Variants in FGFR2 observed in about 807,000 individuals in gnomAD.
FGFR2 encodes fibroblast growth factor receptor 2.
Under a neutral mutation model 95.9 loss-of-function variants are expected in FGFR2, and 19 were observed. The ratio of observed to expected loss-of-function variants is 0.20; its 90% CI spans 0.14 to 0.29. The LOEUF is 0.29. FGFR2 is among the 10% of genes least tolerant of loss of function. FGFR2 has a pLI of 1.00. For missense variants in FGFR2, 707 were observed against 1,056.9 expected (o/e 0.67, Z 4.59); for synonymous variants, 392 against 393.3 (o/e 1.00, Z 0.04).
chr10:121,492,808 C>A (rs963530886), intron 13 of FGFR2, among the ~76,000 whole-genome samples: 4 of 152,208 alleles, frequency 2.6e-5, no homozygotes, highest in African/African-American at 9.7e-5. Context: ...GTCTTAAAGG[C>A]CCATACAATA....
In FGFR2 at chr10:121,517,901, A is replaced by T. The variant is rs1292308078; in HGVS notation, c.940-438T>A. ...GACAACACACTGCACATAAGCCCAGATGGACACCTCACCCATCCTCCTGGC... is the reference window on the plus strand; with the variant it reads ...GACAACACACTGCACATAAGCCCAGTTGGACACCTCACCCATCCTCCTGGC... On this transcript the variant is annotated intron_variant, in intron 7 of 17. Transcript: ENST00000358487. This position sits in a 1 kb window ranked among gnomAD's most constrained non-coding sequence, Gnocchi z 4.7. 1 of 357,734 alleles carries T rather than the reference A, an allele frequency of 2.8e-6. No individual in the cohort carries two copies. Among genetic ancestry groups the T allele is most frequent in the African/African-American group, 2.1e-5 (1 of 46,886 alleles). 22.2% of individuals were successfully genotyped at this position (357,734 alleles called of 1,614,324 possible).
At chr10:121,544,985 A>C (rs1223176874) in intron 5 of FGFR2, among the ~76,000 whole-genome samples, 2 of 152,184 alleles carry the variant, frequency 1.3e-5, no homozygotes, top group Non-Finnish European at 2.9e-5. Flanking sequence ...TCTACAAAAA[A>C]TTTAAAAATT....
At chr10:121,596,389 C>A in intron 1 of FGFR2, 1 of 198,230 alleles carries the variant, frequency 5.0e-6, no homozygotes, top group East Asian at 7.8e-5. Context: ...CCCCGCCCTC[C>A]AAGAAGGCAG....
intron 4 of FGFR2, among the ~76,000 whole-genome samples, chr10:121,558,873 C>T (rs922596148): frequency 2.0e-5 from 3 of 152,040 alleles, no homozygotes; most frequent in Non-Finnish European, 4.4e-5. Context: ...ATCCATGAGC[C>T]ACCGCGCCCG....
chr10:121,480,257 G>T, intron 17 of FGFR2: 1 of 607,766 alleles, frequency 1.6e-6, no homozygotes, highest in South Asian at 1.8e-5. Context: ...CTGAGACCAC[G>T]TCTGATGTAC....
intron 9 of FGFR2, among the ~76,000 whole-genome samples, chr10:121,504,606 CTCTTGT>C (rs1848039239): frequency 6.6e-6 from 1 of 152,126 alleles, no homozygotes. Context: ...AATGGGCTGC[CTCTTGT>C]CTTCGGTTTC....
At chr10:121,596,244 C>A (rs1026944412) in intron 1 of FGFR2, among the ~76,000 whole-genome samples, 1 of 152,212 alleles carries the variant, frequency 6.6e-6, no homozygotes, top group Non-Finnish European at 1.5e-5. Flanking sequence ...CGCCCGCCCC[C>A]CGGTCCATTT....
At chr10:121,576,244 G>A (rs1034077721) in intron 2 of FGFR2, among the ~76,000 whole-genome samples, 5 of 152,168 alleles carry the variant, frequency 3.3e-5, no homozygotes, top group African/African-American at 9.7e-5. Context: ...TTCCCAAAGC[G>A]ACAGGCCATT....
chr10:121,550,168 C>T (rs1018462886), intron 5 of FGFR2, among the ~76,000 whole-genome samples: 1 of 152,192 alleles, frequency 6.6e-6, no homozygotes, highest in Non-Finnish European at 1.5e-5. Flanking sequence ...CTCCTTTCTC[C>T]TTATTCTTCC....
At chr10:121,580,762 G>A (rs1000626692) in intron 2 of FGFR2, among the ~76,000 whole-genome samples, 1 of 152,158 alleles carries the variant, frequency 6.6e-6, no homozygotes, top group African/African-American at 2.4e-5. Context: ...AAGAGCCGGC[G>A]CCATCACAGT....
At chr10:121,498,404 T>C (rs1255266385) in intron 12 of FGFR2, 91 bp downstream of exon 12, 1 of 854,320 alleles carries the variant, frequency 1.2e-6, no homozygotes, top group Non-Finnish European at 2.0e-6. Flanking sequence ...CAGGGTGCTC[T>C]GGGAGCAGGA....
chr10:121,546,470 G>A (rs1402541548), intron 5 of FGFR2, among the ~76,000 whole-genome samples: 1 of 152,200 alleles, frequency 6.6e-6, no homozygotes, highest in Non-Finnish European at 1.5e-5. Context: ...CATCCAGCAA[G>A]ACTTTGCTCA....
chr10:121,572,317 T>C (rs1858931877), intron 2 of FGFR2, among the ~76,000 whole-genome samples: 1 of 151,892 alleles, frequency 6.6e-6, no homozygotes, highest in Non-Finnish European at 1.5e-5. Context: ...GACGAGAACC[T>C]GTCTCCAAAA....
chr10:121,534,554 C>A (rs1852555427), intron 6 of FGFR2, among the ~76,000 whole-genome samples: 1 of 151,884 alleles, frequency 6.6e-6, no homozygotes, highest in East Asian at 1.9e-4. Flanking sequence ...CACCACCACA[C>A]CCGGCTAATT....
At position 121,565,461 on chromosome 10, in the gene FGFR2, C is replaced by T. The variant is rs139263005; in HGVS notation, c.353G>A (p.Trp118Ter). The change falls in exon 3 of 18, where the codon TGG becomes TAG. Residue 118 changes from tryptophan to a stop codon, truncating the protein, a stop_gained. Coordinates refer to ENST00000358487, the MANE Select transcript of FGFR2 (RefSeq NM_000141.5). LOFTEE classifies it high-confidence loss of function. ...TASRTVDSET[W>*]YFMVNVTDAI... is the part of the protein sequence containing the mutation. The stretch of plus-strand genomic sequence containing the variant: ...ACCTGTGACATTCACCATGAAGTAC[C>T]AAGTTTCACTGTCTACAGTCCTACT... 1.2e-6 allele frequency: 2 copies of T among 1,614,184 alleles called. No individual in the cohort carries two copies.
chr10:121,520,341 A>G (rs1850357405), intron 6 of FGFR2, among the ~76,000 whole-genome samples, 172 bp from the exon 7 acceptor site: 1 of 152,210 alleles, frequency 6.6e-6, no homozygotes, highest in Non-Finnish European at 1.5e-5. Flanking sequence ...AACGACTTCA[A>G]AGGAGACTGC....
At chr10:121,557,586 G>A (rs1357867430) in intron 4 of FGFR2, among the ~76,000 whole-genome samples, 1 of 152,118 alleles carries the variant, frequency 6.6e-6, no homozygotes, top group East Asian at 1.9e-4. Flanking sequence ...GGAATTACAG[G>A]TGCGAGCTGC....
At position 121,498,616 on chromosome 10, in the gene FGFR2, T is replaced by C. The variant is rs41293744; in HGVS notation, c.1562-11A>G. On this transcript the variant is annotated splice_polypyrimidine_tract_variant and intron_variant, in intron 11 of 17. Transcript: ENST00000358487. The stretch of plus-strand genomic sequence containing the variant: ...TCTCTGTGGCATCATCTATGAACAG[T>C]AGGCATATTCACAAATCAGTTCATT... 1.5e-5 allele frequency: 24 copies of C among 1,611,060 alleles called. No homozygotes were observed. The highest frequency in any genetic ancestry group is 4.0e-5 in the African/African-American group (3 of 74,982).
chr10:121,560,683 A>G (rs1425310236), intron 4 of FGFR2, among the ~76,000 whole-genome samples: 1 of 151,730 alleles, frequency 6.6e-6, no homozygotes, highest in Non-Finnish European at 1.5e-5. Context: ...TTTTTATTAA[A>G]TAACAATAAT....
Sources: allele counts gnomAD v4.1 joint callset (sites outside exome capture counted in the v4.1 genomes callset), GRCh38; gene constraint gnomAD v4.1.1; non-coding constraint Gnocchi (gnomAD v3.1); transcripts MANE v1.5; gene names NCBI Gene and HGNC (gene_info 2026-07-23, HGNC 2026-07-21).